Variants in C1orf21 observed in about 807,000 individuals in gnomAD.
The protein encoded by C1orf21 is uncharacterized protein C1orf21.
Under a neutral mutation model 18.7 loss-of-function variants are expected in C1orf21, and 3 were observed. The ratio of observed to expected loss-of-function variants is 0.16; its 90% CI spans 0.07 to 0.42. The LOEUF (loss-of-function observed/expected upper bound fraction) is 0.42, where lower values mean the gene tolerates loss of function less well. Ranked by LOEUF, C1orf21 falls within the 10% of genes least tolerant of loss-of-function variation. The pLI, the probability that C1orf21 is intolerant of heterozygous loss-of-function variation, is 0.99. For missense variants in C1orf21, 104 were observed against 143.6 expected, an observed-to-expected ratio of 0.72 and a Z score of 1.41; for synonymous variants, 41 against 46.4, an observed-to-expected ratio of 0.88 and a Z score of 0.47.
chr1:184,437,480 T>C (rs962898223), intron 1 of C1orf21, among the ~76,000 whole-genome samples: 1 of 152,102 alleles, frequency 6.6e-6, no homozygotes, highest in Non-Finnish European at 1.5e-5. Flanking sequence ...TTTCTTTGCC[T>C]GGCGTCACAC....
intron 1 of C1orf21, among the ~76,000 whole-genome samples, chr1:184,469,386 A>G (rs1657457165): frequency 6.6e-6 from 1 of 152,252 alleles, no homozygotes. Flanking sequence ...CTGAGATTAC[A>G]AGTCATGCTA....
chr1:184,477,080 T>A (rs1476363421), intron 1 of C1orf21, among the ~76,000 whole-genome samples: 3 of 152,170 alleles, frequency 2.0e-5, no homozygotes, highest in Non-Finnish European at 4.4e-5. Context: ...TAAGAGTATG[T>A]ATGGCAAGCA....
chr1:184,488,755 A>G (rs926402104), intron 2 of C1orf21, among the ~76,000 whole-genome samples: 3 of 152,210 alleles, frequency 2.0e-5, no homozygotes, highest in Non-Finnish European at 4.4e-5. Context: ...GCCTGAGCTC[A>G]GGAGTTCGCA....
chr1:184,575,662 A>C (rs1659176102), intron 3 of C1orf21, among the ~76,000 whole-genome samples: 1 of 151,726 alleles, frequency 6.6e-6, no homozygotes, highest in Admixed American at 6.6e-5. Context: ...TAATACATGC[A>C]ACAGAATCCA....
chr1:184,422,642 A>G (rs1180094895), intron 1 of C1orf21, among the ~76,000 whole-genome samples: 1 of 152,042 alleles, frequency 6.6e-6, no homozygotes, highest in Non-Finnish European at 1.5e-5. Flanking sequence ...TTGTGAAAAA[A>G]TTTTCAGCAC....
chr1:184,555,666 C>T (rs1658867948), intron 3 of C1orf21, among the ~76,000 whole-genome samples: 1 of 151,842 alleles, frequency 6.6e-6, no homozygotes, highest in African/African-American at 2.4e-5. Context: ...AACTCACTTT[C>T]TGGCTTTACT....
chr1:184,600,634 CTT>C (rs1659574011), intron 5 of C1orf21, among the ~76,000 whole-genome samples: 1 of 152,166 alleles, frequency 6.6e-6, no homozygotes, highest in South Asian at 2.1e-4. Context: ...AAGTTTATAA[CTT>C]GATCATTCGT....
intron 1 of C1orf21, among the ~76,000 whole-genome samples, chr1:184,433,336 G>A (rs1172683144): frequency 1.3e-5 from 2 of 152,272 alleles, no homozygotes; most frequent in East Asian, 1.9e-4. Flanking sequence ...CTTTCTTCCC[G>A]AATCTTCTCT....
intron 3 of C1orf21, among the ~76,000 whole-genome samples, chr1:184,585,467 T>G (rs1230203146): frequency 3.3e-5 from 5 of 152,196 alleles, no homozygotes; most frequent in African/African-American, 1.2e-4. Flanking sequence ...GTGCATACCT[T>G]TATTTAACTT....
chr1:184,466,284 C>T (rs912421689), intron 1 of C1orf21, among the ~76,000 whole-genome samples: 1 of 152,134 alleles, frequency 6.6e-6, no homozygotes, highest in Non-Finnish European at 1.5e-5. Context: ...CATGAAACAT[C>T]CCAGAAATGG....
intron 1 of C1orf21, among the ~76,000 whole-genome samples, chr1:184,394,858 A>G (rs1234161884): frequency 6.6e-6 from 1 of 152,238 alleles, no homozygotes; most frequent in Non-Finnish European, 1.5e-5. Flanking sequence ...ATCCAGGAAC[A>G]TCTCTTGAGT....
chr1:184,523,568 A>G (rs185256665), intron 3 of C1orf21, among the ~76,000 whole-genome samples: 59 of 152,320 alleles, frequency 3.9e-4, no homozygotes, highest in African/African-American at 1.2e-3. Flanking sequence ...GAACAGAAAA[A>G]GGACACTAAA....
At chr1:184,590,474 A>G (rs1659421794) in intron 3 of C1orf21, among the ~76,000 whole-genome samples, 1 of 152,212 alleles carries the variant, frequency 6.6e-6, no homozygotes, top group African/African-American at 2.4e-5. Flanking sequence ...TTAGTGTTAA[A>G]GAATTAAATA....
chr1:184,627,219 A>G lies in C1orf21; in HGVS notation c.*7663A>G, dbSNP rs1410431982. On this transcript the variant is annotated 3_prime_UTR_variant, in exon 6 of 6. Transcript: ENST00000235307. Reference sequence around the variant, plus strand: ...TCAGGGAAGGCTCAGAGACAAGCAGAATCTCTCTATGGAGACAACTTGCAG... The same window carrying G: ...TCAGGGAAGGCTCAGAGACAAGCAGGATCTCTCTATGGAGACAACTTGCAG... 6.6e-6 allele frequency: 1 copy of G among 152,288 alleles called. No individual in the cohort carries two copies. Among genetic ancestry groups the G allele is most frequent in the Non-Finnish European group, 1.5e-5 (1 of 68,034 alleles). The allele number at this position is 152,288 out of a possible 1,614,324, so 9.4% of individuals were successfully genotyped here.
chr1:184,476,764 A>G (rs116394191), intron 1 of C1orf21, among the ~76,000 whole-genome samples: 1 of 152,210 alleles, frequency 6.6e-6, no homozygotes, highest in Non-Finnish European at 1.5e-5. Flanking sequence ...AATGGACAGA[A>G]GTAAGTTTTA....
At position 184,493,062 on chromosome 1, in the gene C1orf21, G is replaced by A. The variant is rs997242960; in HGVS notation, c.95-14526G>A. On this transcript the variant is annotated intron_variant, in intron 2 of 5. Coordinates refer to ENST00000235307, the MANE Select transcript of C1orf21 (RefSeq NM_030806.4). ...AATTTACAGAAAGTCAGATTCTAAA[G>A]GATTATATTTCTGTGGCTATAATAT... 3.0e-4 allele frequency among the ~76,000 whole-genome samples: 45 copies of A among 152,118 alleles called. 1 individual carries two copies. The highest frequency in any genetic ancestry group is 2.0e-3 in the Admixed American group (31 of 15,284).
At chr1:184,601,801 TG>T (rs1659588825) in intron 5 of C1orf21, among the ~76,000 whole-genome samples, 1 of 151,800 alleles carries the variant, frequency 6.6e-6, no homozygotes, top group Admixed American at 6.6e-5. Context: ...CTCAGGAGGC[TG>T]AGGCAGGAAA....
chr1:184,590,113 G>A (rs917516332), intron 3 of C1orf21, among the ~76,000 whole-genome samples: 1 of 152,146 alleles, frequency 6.6e-6, no homozygotes, highest in Admixed American at 6.5e-5. Flanking sequence ...TGTCCTTACT[G>A]ATATACTAGC....
rs1298366912 is a variant in C1orf21 at position 184,477,577 on chromosome 1, A to G, written c.68A>G (p.Asn23Ser). 6.2e-7 allele frequency: 1 copy of G among 1,613,898 alleles called. No individual in the cohort carries two copies. Among genetic ancestry groups the G allele is most frequent in the Admixed American group, 1.7e-5 (1 of 59,992 alleles). The change falls in exon 2 of 6, where the codon AAC becomes AGC. Residue 23 changes from asparagine to serine, a missense_variant. Asn to Ser is a conservative substitution (Grantham distance 46). Transcript: ENST00000235307. ...GAAGAGGAAGCCCAGAAAGGGAAAA[A>G]CTACCAGAACGGAGATGTGTTTGGC... is the stretch of plus-strand genomic sequence containing the variant. ...QNEEEAQKGK[N>S]YQNGDVFGDE...
Sources: allele counts gnomAD v4.1 joint callset (sites outside exome capture counted in the v4.1 genomes callset), GRCh38; gene constraint gnomAD v4.1.1; transcripts MANE v1.5; gene names NCBI Gene and HGNC (gene_info 2026-07-23, HGNC 2026-07-21).